OCIAD2: variants seen among roughly 807,000 people sequenced by gnomAD.
OCIAD2 encodes the protein OCIA domain-containing protein 2.
OCIAD2 carries 29 observed loss-of-function variants against 22.9 expected under a neutral mutation model. The observed-to-expected ratio is 1.27, with a 90% CI of 0.94 to 1.73. OCIAD2 has a LOEUF of 1.73. Ranked by LOEUF, OCIAD2 falls within the 40% of genes most tolerant of loss-of-function variation. The probability of loss-of-function intolerance (pLI) is 0.00; values close to 1 mark genes in which losing one functional copy is unlikely to be tolerated. For missense variants in OCIAD2, 189 were observed against 180.3 expected (o/e 1.05, Z -0.28); for synonymous variants, 67 against 60.2 (o/e 1.11, Z -0.52).
Position 48,906,296 on chromosome 4 carries a change from C to T in OCIAD2, c.-63+362G>A, listed in dbSNP as rs565979853. 4.6e-5 allele frequency among the ~76,000 whole-genome samples: 7 copies of T among 152,246 alleles called. No homozygotes were observed. The East Asian group carries it at 1.4e-3, about 30-fold the overall frequency. On this transcript the variant is annotated intron_variant, in intron 1 of 6. Transcript: ENST00000508632. Reference sequence around the variant, plus strand: ...GGACCCGTGGGTTCGTGGGTGCTGACCGACGAATGTGCGGAGGAGGGCGCG... The same window carrying T: ...GGACCCGTGGGTTCGTGGGTGCTGATCGACGAATGTGCGGAGGAGGGCGCG...
intron 6 of OCIAD2, among the ~76,000 whole-genome samples, chr4:48,889,285 A>G (rs1035231301): frequency 6.6e-6 from 1 of 152,104 alleles, no homozygotes; most frequent in African/African-American, 2.4e-5. Flanking sequence ...TTTTCAAAAA[A>G]CCAGTTCCTG....
chr4:48,892,583 G>A (rs539425510), intron 6 of OCIAD2, among the ~76,000 whole-genome samples, 189 bp downstream of exon 6: 5 of 152,280 alleles, frequency 3.3e-5, no homozygotes, highest in African/African-American at 7.2e-5. Flanking sequence ...TCAAACAAAT[G>A]AAATTGGTAA....
At chr4:48,887,879 T>C (rs1435241192) in intron 6 of OCIAD2, among the ~76,000 whole-genome samples, 1 of 152,158 alleles carries the variant, frequency 6.6e-6, no homozygotes, top group Non-Finnish European at 1.5e-5. Context: ...GTGAAGAAAG[T>C]CATTGGTAGC....
intron 3 of OCIAD2, among the ~76,000 whole-genome samples, chr4:48,899,587 T>G (rs1781372816): frequency 6.6e-6 from 1 of 152,224 alleles, no homozygotes; most frequent in Admixed American, 6.5e-5. Context: ...TCACATATTC[T>G]TGGTAAAGGG....
At chr4:48,899,965 G>T in intron 2 of OCIAD2, 40 bp from the exon 3 acceptor site, 1 of 1,441,120 alleles carries the variant, frequency 6.9e-7, no homozygotes, top group South Asian at 1.2e-5. Flanking sequence ...TGAGGTCATT[G>T]AAAAATCACC....
rs1411481017 is a variant in OCIAD2 at position 48,892,859 on chromosome 4, T to G, written c.296A>C (p.Lys99Thr). ...LAGLLGFGLG[K>T]VSYIGVCQSK... ...CTGGCATACTCCTATGTATGATACC[T>G]TTCCAAGGCCAAATCCCAAGAGACC... The change falls in exon 6 of 7, where the codon AAG (lysine) becomes ACG (threonine). Residue 99 changes from lysine (K) to threonine (T), a missense_variant. Lys to Thr is a moderately conservative substitution (Grantham distance 78). Coordinates refer to ENST00000508632, the MANE Select transcript of OCIAD2 (RefSeq NM_001014446.3). 5.6e-6 allele frequency: 9 copies of G among 1,609,398 alleles called. No homozygotes were observed. The highest frequency in any genetic ancestry group is 6.8e-6 in the Non-Finnish European group (8 of 1,177,258).
chr4:48,899,406 G>A (rs1781370021), intron 3 of OCIAD2, among the ~76,000 whole-genome samples: 1 of 152,144 alleles, frequency 6.6e-6, no homozygotes, highest in Non-Finnish European at 1.5e-5. Context: ...GAGAAATATC[G>A]ATTAGGAATT....
intron 4 of OCIAD2, among the ~76,000 whole-genome samples, chr4:48,896,530 C>T (rs1408187346): frequency 6.6e-6 from 1 of 152,102 alleles, no homozygotes; most frequent in East Asian, 1.9e-4. Flanking sequence ...GAGGTTGAGA[C>T]TGCAGGGAGC....
At chr4:48,889,552 T>C (rs963793684) in intron 6 of OCIAD2, among the ~76,000 whole-genome samples, 13 of 151,102 alleles carry the variant, frequency 8.6e-5, no homozygotes, top group Non-Finnish European at 1.6e-4. Context: ...AAAACCACAA[T>C]GAGATATCAT....
intron 2 of OCIAD2, among the ~76,000 whole-genome samples, chr4:48,903,457 T>C (rs1220957556): frequency 6.6e-6 from 1 of 152,010 alleles, no homozygotes; most frequent in Non-Finnish European, 1.5e-5. Context: ...GGCAATATAA[T>C]GAGACCCCCA....
intron 6 of OCIAD2, 146 bp from the exon 7 acceptor site, chr4:48,885,711 C>T (rs371001342): frequency 4.0e-5 from 22 of 554,598 alleles, no homozygotes; most frequent in African/African-American, 1.1e-4. Context: ...AGGCTGGTCT[C>T]GAGGGCTCAA....
chr4:48,897,793 T>C lies in OCIAD2; in HGVS notation c.217+11A>G, dbSNP rs1433668660. On this transcript the variant is annotated intron_variant, in intron 4 of 6. Coordinates refer to ENST00000508632, the MANE Select transcript of OCIAD2 (RefSeq NM_001014446.3). Reference sequence around the variant, plus strand: ...CTGAAATTAGATTATTTAACAAATATTGAATCTTACCTTGGTAGACTAGTC... The same window carrying C: ...CTGAAATTAGATTATTTAACAAATACTGAATCTTACCTTGGTAGACTAGTC... 4.4e-6 allele frequency: 7 copies of C among 1,601,038 alleles called. No homozygotes were observed. In the South Asian group the frequency reaches 4.4e-5, roughly 10 times the overall value.
intron 6 of OCIAD2, among the ~76,000 whole-genome samples, chr4:48,888,936 G>A (rs1781078209): frequency 6.6e-6 from 1 of 152,120 alleles, no homozygotes. Flanking sequence ...TTGTACCTCT[G>A]GTAGAATTTG....
At chr4:48,904,676 C>A in intron 1 of OCIAD2, 65 bp from the exon 2 acceptor site, 1 of 871,210 alleles carries the variant, frequency 1.1e-6, no homozygotes. Context: ...TAAAAGCATC[C>A]TGAGGATCCA....
At chr4:48,892,650 G>T in intron 6 of OCIAD2, 122 bp downstream of exon 6, 1 of 525,006 alleles carries the variant, frequency 1.9e-6, no homozygotes, top group South Asian at 4.0e-5. Context: ...CTAAACTTGA[G>T]GGTTAAAACT....
At chr4:48,900,698 T>C (rs1781397135) in intron 2 of OCIAD2, among the ~76,000 whole-genome samples, 1 of 151,182 alleles carries the variant, frequency 6.6e-6, no homozygotes, top group African/African-American at 2.4e-5. Flanking sequence ...AAGGGCGTGA[T>C]CTTGGCTCAC....
At chr4:48,893,694 G>A (rs1781232333) in intron 5 of OCIAD2, 1 of 186,074 alleles carries the variant, frequency 5.4e-6, no homozygotes, top group African/African-American at 2.3e-5. Flanking sequence ...CTGCTAAGCT[G>A]TATATCAGAA....
intron 2 of OCIAD2, among the ~76,000 whole-genome samples, chr4:48,904,125 T>C (rs1781475909): frequency 6.6e-6 from 1 of 152,042 alleles, no homozygotes; most frequent in Non-Finnish European, 1.5e-5. Flanking sequence ...AATCCTATGA[T>C]ATATATTTTT....
chr4:48,897,054 CA>C (rs1781317530), intron 4 of OCIAD2: 2 of 152,340 alleles, frequency 1.3e-5, no homozygotes, highest in Admixed American at 6.6e-5. Flanking sequence ...AGCCTCTTGC[CA>C]AAAGAAATGG....
Sources: allele counts gnomAD v4.1 joint callset (sites outside exome capture counted in the v4.1 genomes callset), GRCh38; gene constraint gnomAD v4.1.1; transcripts MANE v1.5; gene names NCBI Gene and HGNC (gene_info 2026-07-23, HGNC 2026-07-21).